The following RIC3 variants were observed in gnomAD, a reference collection of about 807,000 sequenced individuals.
RIC3 encodes RIC3 acetylcholine receptor chaperone.
A neutral mutation model predicts 27.3 loss-of-function variants in RIC3; 28 were observed. The ratio of observed to expected loss-of-function variants is 1.02; its 90% CI spans 0.76 to 1.41. The LOEUF (loss-of-function observed/expected upper bound fraction) is 1.41. RIC3 is among the 40% of genes most tolerant of loss of function. The pLI is 0.00. For synonymous variants in RIC3, 184 were observed against 160.4 expected (o/e 1.15, Z -1.11); for missense variants, 501 against 444.7 (o/e 1.13, Z -1.14).
At chr11:8,100,744 C>CCCA in the RIC3 span, 2 of 1,580,982 alleles carry the variant, frequency 1.3e-6, no homozygotes, top group Non-Finnish European at 1.7e-6. Flanking sequence ...TCCAAGGACC[C>CCCA]CCATTCCCGG....
rs1169832878 is a variant in RIC3 at position 8,110,529 on chromosome 11, G to A, written c.*169C>T. 6 of 709,224 alleles carry A rather than the reference G, an allele frequency of 8.5e-6. No individual in the cohort carries two copies. Among genetic ancestry groups the A allele is most frequent in the Non-Finnish European group, 1.5e-5 (6 of 393,018 alleles). 43.9% of individuals were successfully genotyped at this position (709,224 alleles called of 1,614,324 possible). A position where few individuals can be genotyped will look rare whatever the true frequency, so the allele number is the denominator to read the frequency against. ...CACTAATGTCCGTGTTTTACAAGGT[G>A]ACAGGTGTGTGAGCACCAGGAAGGA... On this transcript the variant is annotated 3_prime_UTR_variant, in exon 6 of 6. Coordinates refer to ENST00000309737, the MANE Select transcript of RIC3 (RefSeq NM_001206671.4).
chr11:8,151,363 G>A (rs4758297), intron 1 of RIC3, among the ~76,000 whole-genome samples: 10,257 of 151,342 alleles, frequency 0.068, 390 homozygotes, highest in South Asian at 0.11. Context: ...CGAGACGGGC[G>A]GATCACGAGG....
At chr11:8,127,073 G>C (rs1169972826) in intron 4 of RIC3, among the ~76,000 whole-genome samples, 2 of 152,188 alleles carry the variant, frequency 1.3e-5, no homozygotes, top group Non-Finnish European at 2.9e-5. Flanking sequence ...ACTAGGACCA[G>C]ACCCCAGATG....
rs77777926 is a variant in RIC3, at chr11:8,148,085, T to C, written c.125-7892A>G. On this transcript the variant is annotated intron_variant, in intron 1 of 5. Transcript: ENST00000309737. The stretch of plus-strand genomic sequence containing the variant: ...TCTGCTCCTGAGGTAAGAAAGAAGG[T>C]AGGTGGGCAGGTAGGCTTGGAAGTT... 5.7e-3 allele frequency among the ~76,000 whole-genome samples: 873 copies of C among 152,280 alleles called. 15 individuals are homozygous for C. Among genetic ancestry groups the C allele is most frequent in the African/African-American group, 0.02 (823 of 41,560 alleles).
intron 1 of RIC3, among the ~76,000 whole-genome samples, chr11:8,151,510 C>T (rs1308264731): frequency 5.1e-5 from 7 of 138,142 alleles, no homozygotes; most frequent in Non-Finnish European, 9.1e-5. Flanking sequence ...GGCGTGAACC[C>T]GGGAGGCGGA....
At chr11:8,128,101 A>G in intron 4 of RIC3, 2 of 425,470 alleles carry the variant, frequency 4.7e-6, no homozygotes, top group South Asian at 3.4e-5. Context: ...TATTCTTCCC[A>G]TCAGTACAGG....
chr11:8,101,050 A>AG, the RIC3 span: 1 of 1,602,524 alleles, frequency 6.2e-7, no homozygotes, highest in Non-Finnish European at 8.5e-7. Context: ...CAAGGCCCTT[A>AG]GCGTAGGGTT....
At chr11:8,101,710 G>A, downstream of RIC3, 1 of 1,510,538 alleles carries the variant, frequency 6.6e-7, no homozygotes, top group Non-Finnish European at 8.9e-7. Flanking sequence ...TCTGTATATA[G>A]GCCTTCCGCC....
chr11:8,098,057 G>A, the RIC3 span, among the ~76,000 whole-genome samples: 1 of 152,140 alleles, frequency 6.6e-6, no homozygotes, highest in African/African-American at 2.4e-5. Context: ...GGAGGTGGGT[G>A]CAGGCCCACC....
intron 1 of RIC3, among the ~76,000 whole-genome samples, chr11:8,151,585 CA>C (rs60087055): frequency 1.8e-3 from 111 of 61,660 alleles, no homozygotes; most frequent in Middle Eastern, 8.2e-3. Context: ...AACTCCGTCT[CA>C]AAAAAAAAAA....
At chr11:8,154,367 T>C (rs1369560853) in intron 1 of RIC3, among the ~76,000 whole-genome samples, 1 of 152,234 alleles carries the variant, frequency 6.6e-6, no homozygotes, top group Non-Finnish European at 1.5e-5. Flanking sequence ...TTGAATGTTT[T>C]AAAACTTCAT....
intron 1 of RIC3, among the ~76,000 whole-genome samples, chr11:8,158,386 G>T (rs1425458545): frequency 6.6e-6 from 1 of 152,050 alleles, no homozygotes; most frequent in African/African-American, 2.4e-5. Flanking sequence ...GTTACTGTGG[G>T]AACACCAAAG....
chr11:8,121,273 G>A (rs751376284), intron 5 of RIC3, among the ~76,000 whole-genome samples: 4 of 152,162 alleles, frequency 2.6e-5, no homozygotes, highest in Non-Finnish European at 5.9e-5. Flanking sequence ...CAATTTGGAG[G>A]AAAAACTGAA....
At chr11:8,097,873 AG>A in the RIC3 span, 5 of 1,442,610 alleles carry the variant, frequency 3.5e-6, 1 homozygote, top group South Asian at 2.3e-5. Context: ...AGGGAGGGGC[AG>A]GGGCAAGCTG....
At chr11:8,120,395 A>G (rs1322896276) in intron 5 of RIC3, among the ~76,000 whole-genome samples, 1 of 152,232 alleles carries the variant, frequency 6.6e-6, no homozygotes, top group Non-Finnish European at 1.5e-5. Flanking sequence ...TTGCAGGGAC[A>G]TGGATGAAGC....
intron 4 of RIC3, among the ~76,000 whole-genome samples, chr11:8,131,538 T>C (rs995526981): frequency 2.0e-5 from 3 of 151,964 alleles, no homozygotes; most frequent in African/African-American, 7.3e-5. Context: ...TATATAGAGG[T>C]CAGGAAATGA....
chr11:8,124,909 A>C (rs539075950), intron 5 of RIC3, among the ~76,000 whole-genome samples: 2 of 152,202 alleles, frequency 1.3e-5, no homozygotes, highest in Non-Finnish European at 2.9e-5. Context: ...GAATTTCTAG[A>C]AAACATGGGA....
At chr11:8,155,085 G>A (rs1950555426) in intron 1 of RIC3, among the ~76,000 whole-genome samples, 4 of 151,906 alleles carry the variant, frequency 2.6e-5, no homozygotes, top group South Asian at 2.1e-4. Context: ...GCCGGGTGTG[G>A]TGGCATGCAC....
At chr11:8,166,332 T>C (rs1330868049) in intron 1 of RIC3, among the ~76,000 whole-genome samples, 3 of 152,262 alleles carry the variant, frequency 2.0e-5, no homozygotes, top group Non-Finnish European at 2.9e-5. Context: ...GTATGTGATA[T>C]GGTACATCAT....
Sources: gnomAD v4.1 joint callset for allele counts (sites outside exome capture counted in the v4.1 genomes callset) on GRCh38, gnomAD v4.1.1 for gene constraint, MANE v1.5 for transcripts, NCBI Gene and HGNC (gene_info 2026-07-23, HGNC 2026-07-21) for gene names.